NDUFAF1: variants seen among roughly 807,000 people sequenced by gnomAD.
NDUFAF1 encodes NADH:ubiquinone oxidoreductase complex assembly factor 1, also known as complex I intermediate-associated protein 30, mitochondrial.
A neutral mutation model predicts 28.7 loss-of-function variants in NDUFAF1; 18 were observed. That is an observed-to-expected ratio of 0.63 (90% CI 0.43 to 0.93). The LOEUF is 0.93. Among genes scored for constraint, NDUFAF1 ranks in the 40% least tolerant of loss-of-function variants. The pLI is 0.00. For synonymous variants in NDUFAF1, 113 were observed against 139.7 expected (o/e 0.81, Z 1.35); for missense variants, 404 against 398.3 (o/e 1.01, Z -0.12).
Position 41,397,125 on chromosome 15 carries a change from A to G in NDUFAF1, c.-66T>C, listed in dbSNP as rs572455653. On this transcript the variant is annotated 5_prime_UTR_variant, in exon 2 of 5. Coordinates refer to ENST00000260361, the MANE Select transcript of NDUFAF1 (RefSeq NM_016013.4). ...CAAGGGCCACCAAGAAGCTTCAGCAAATAGCCCAATTCTACCTATAACAGA... is the reference window on the plus strand; with the variant it reads ...CAAGGGCCACCAAGAAGCTTCAGCAGATAGCCCAATTCTACCTATAACAGA... 1.5e-5 allele frequency: 20 copies of G among 1,326,770 alleles called. No homozygotes were observed. In the East Asian group the frequency reaches 4.6e-4, roughly 31 times the overall value. 82.2% of individuals were successfully genotyped at this position (1,326,770 alleles called of 1,614,324 possible).
intron 1 of NDUFAF1, among the ~76,000 whole-genome samples, chr15:41,397,762 A>T (rs1375202305): frequency 1.4e-5 from 2 of 148,004 alleles, no homozygotes; most frequent in Non-Finnish European, 3.0e-5. Flanking sequence ...TCCCGCCACT[A>T]CACTCCAGCC....
chr15:41,389,937 C>A (rs917723724), intron 3 of NDUFAF1, among the ~76,000 whole-genome samples: 2 of 151,874 alleles, frequency 1.3e-5, no homozygotes, highest in Admixed American at 6.6e-5. Flanking sequence ...TCTACATGTA[C>A]ATAATGAAGA....
rs71431810 is a variant in NDUFAF1, at chr15:41,396,087, C to CA, written c.573+399dup. On this transcript the variant is annotated intron_variant, in intron 2 of 4. Coordinates refer to ENST00000260361, the MANE Select transcript of NDUFAF1 (RefSeq NM_016013.4). ...TGGGCGACAGAGCAAGACTCCGTTT[C>CA]AAAAAAAAAAAAAGAAAGCCACAGG... Among the ~76,000 whole-genome samples, 554 of 130,000 alleles carry CA rather than the reference C, an allele frequency of 4.3e-3. 3 individuals carry two copies. Among genetic ancestry groups the CA allele is most frequent in the Admixed American group, 0.015 (193 of 12,792 alleles). The allele number at this position is 130,000 out of a possible 152,430, so 85.3% of individuals were successfully genotyped here.
At chr15:41,390,738 A>G (rs1270956915) in intron 3 of NDUFAF1, among the ~76,000 whole-genome samples, 2 of 147,550 alleles carry the variant, frequency 1.4e-5, no homozygotes, top group Non-Finnish European at 1.5e-5. Flanking sequence ...AAAAAAAAAA[A>G]TAGTATTTTA....
Position 41,402,434 on chromosome 15 carries a change from T to C in NDUFAF1, c.-372A>G, listed in dbSNP as rs913498300. The C allele has an allele frequency of 6.9e-6, 3 of 433,338 alleles. No individual in the cohort carries two copies. Among genetic ancestry groups the C allele is most frequent in the East Asian group, 7.1e-5 (1 of 14,000 alleles). 26.8% of individuals were successfully genotyped at this position (433,338 alleles called of 1,614,324 possible). On this transcript the variant is annotated 5_prime_UTR_variant, in exon 1 of 5. Transcript: ENST00000260361. ...ACCCGGGACACACCAACCGCCGGCC[T>C]GCCGCCGCTTACCTCCCCGAGCCTA...
upstream of NDUFAF1, chr15:41,402,583 C>A (rs143756766): frequency 3.9e-6 from 1 of 255,768 alleles, no homozygotes; most frequent in Non-Finnish European, 8.3e-6. Flanking sequence ...GGAAGGACAG[C>A]AAGGACCCCG....
At chr15:41,393,001 A>C (rs899143641) in intron 3 of NDUFAF1, among the ~76,000 whole-genome samples, 3 of 151,920 alleles carry the variant, frequency 2.0e-5, no homozygotes, top group African/African-American at 7.3e-5. Flanking sequence ...TCAGCTGCTG[A>C]GTGTATTTTG....
At chr15:41,391,998 A>C (rs2050321805) in intron 3 of NDUFAF1, among the ~76,000 whole-genome samples, 3 of 150,988 alleles carry the variant, frequency 2.0e-5, no homozygotes, top group Admixed American at 6.6e-5. Context: ...AGGAGGAGAG[A>C]TGGAAGATGA....
chr15:41,397,801 G>GAAAAAA (rs570795672), intron 1 of NDUFAF1, among the ~76,000 whole-genome samples: 1 of 101,394 alleles, frequency 9.9e-6, no homozygotes, highest in Non-Finnish European at 2.0e-5. Flanking sequence ...TCTGTCTCGG[G>GAAAAAA]AAAAAAAAAA....
chr15:41,388,614 T>C, intron 3 of NDUFAF1, 92 bp from the exon 4 acceptor site: 1 of 855,320 alleles, frequency 1.2e-6, no homozygotes. Flanking sequence ...TTACATTTAT[T>C]CTAAAATTAT....
intron 3 of NDUFAF1, among the ~76,000 whole-genome samples, chr15:41,392,917 A>G (rs958491297): frequency 5.3e-5 from 8 of 152,064 alleles, no homozygotes; most frequent in African/African-American, 1.9e-4. Flanking sequence ...CAAACAGGGA[A>G]ATCAATAATG....
Position 41,396,632 on chromosome 15 carries a change from G to A in NDUFAF1, c.428C>T (p.Thr143Met), listed in dbSNP as rs1360791398. The A allele has an allele frequency of 8.1e-6, 13 of 1,614,008 alleles. No homozygotes were observed. The highest frequency in any genetic ancestry group is 1.3e-5 in the African/African-American group (1 of 74,984). ...LDKWTVTSDKTIGGRSEVFLK... is the reference protein window; with the variant it reads ...LDKWTVTSDKMIGGRSEVFLK... ...AAACACTTCACTTCTGCCTCCAATCGTCTTATCAGAAGTCACTGTCCACTT... is the reference window on the plus strand; with the variant it reads ...AAACACTTCACTTCTGCCTCCAATCATCTTATCAGAAGTCACTGTCCACTT... The change falls in exon 2 of 5, where the codon ACG becomes ATG. Residue 143 changes from threonine (T) to methionine (M), a missense_variant. Physicochemically the swap from Thr to Met is moderately conservative, Grantham distance 81. Transcript: ENST00000260361.
upstream of NDUFAF1, chr15:41,402,617 G>T: frequency 5.1e-6 from 1 of 195,620 alleles, no homozygotes; most frequent in South Asian, 8.3e-5. Flanking sequence ...TGAGGTTTTT[G>T]GAGGTTTTTG....
intron 1 of NDUFAF1, among the ~76,000 whole-genome samples, chr15:41,399,637 G>C (rs1329022104): frequency 2.0e-5 from 3 of 150,758 alleles, no homozygotes; most frequent in African/African-American, 7.3e-5. Flanking sequence ...GGCGGATCAC[G>C]AGGTCAGGAG....
At chr15:41,402,111 T>G (rs2050471198) in intron 1 of NDUFAF1, 33 bp downstream of exon 1, 1 of 423,306 alleles carries the variant, frequency 2.4e-6, no homozygotes. Context: ...CAGCTAGAAG[T>G]GAGTAGAATT....
At position 41,402,232 on chromosome 15, in the gene NDUFAF1, A is replaced by G. The variant is rs1306447979; in HGVS notation, c.-170T>C. On this transcript the variant is annotated 5_prime_UTR_variant, in exon 1 of 5. Transcript: ENST00000260361. The stretch of plus-strand genomic sequence containing the variant: ...ATTATTATTTCAATTATAGAGACGA[A>G]GAAACTGACGTTCCAAGGCTAATTT... 1 of 454,042 alleles carries G rather than the reference A, an allele frequency of 2.2e-6. No homozygotes were observed. Among genetic ancestry groups the G allele is most frequent in the Non-Finnish European group, 4.4e-6 (1 of 226,810 alleles). The allele number at this position is 454,042 out of a possible 1,614,324, so 28.1% of individuals were successfully genotyped here.
At chr15:41,395,386 T>C (rs1030548480) in intron 2 of NDUFAF1, among the ~76,000 whole-genome samples, 1 of 151,352 alleles carries the variant, frequency 6.6e-6, no homozygotes, top group African/African-American at 2.4e-5. Context: ...TTTTTTTTTT[T>C]TGAGACGGAG....
chr15:41,401,217 ATGGG>A (rs1457488189), intron 1 of NDUFAF1, among the ~76,000 whole-genome samples: 1 of 147,648 alleles, frequency 6.8e-6, no homozygotes, highest in African/African-American at 2.5e-5. Context: ...ATCCGCCTAC[ATGGG>A]CCTCCTAAAG....
intron 3 of NDUFAF1, among the ~76,000 whole-genome samples, chr15:41,393,693 G>A (rs2050344210): frequency 6.6e-6 from 1 of 151,496 alleles, no homozygotes; most frequent in Non-Finnish European, 1.5e-5. Context: ...CGATTCTCCT[G>A]CCTCAGCCTT....
Sources: gnomAD v4.1 joint callset for allele counts (sites outside exome capture counted in the v4.1 genomes callset) on GRCh38, gnomAD v4.1.1 for gene constraint, MANE v1.5 for transcripts, NCBI Gene and HGNC (gene_info 2026-07-23, HGNC 2026-07-21) for gene names.